Variants in DUSP9 observed in about 807,000 individuals in gnomAD.
The protein encoded by DUSP9 is dual specificity phosphatase 9.
A neutral mutation model predicts 13.2 loss-of-function variants in DUSP9; 4 were observed. The observed-to-expected ratio is 0.30, with a 90% CI of 0.15 to 0.69. DUSP9 has a LOEUF of 0.69. DUSP9 is among the 30% of genes least tolerant of loss of function. The pLI, the probability that DUSP9 is intolerant of heterozygous loss-of-function variation, is 0.73. For synonymous variants in DUSP9, 166 were observed against 172.3 expected, an observed-to-expected ratio of 0.96 and a Z score of 0.29; for missense variants, 263 against 355.0, an observed-to-expected ratio of 0.74 and a Z score of 2.08.
At position 153,648,173 on chromosome X, in the gene DUSP9, C is replaced by T. The variant is rs1291862923; in HGVS notation, c.220C>T (p.Pro74Ser). The T allele has an allele frequency of 2.5e-5, 25 of 1,004,761 alleles. No homozygotes were observed. Among genetic ancestry groups the T allele is most frequent in the African/African-American group, 6.1e-5 (3 of 49,320 alleles). 82.8% of individuals were successfully genotyped at this position (1,004,761 alleles called of 1,213,427 possible). ...GCCTGGGCCGCCGCTGCAGCCGCCCCCGCCTGCCCCCGTGCTCCTGTACGA... is the reference window on the plus strand; with the variant it reads ...GCCTGGGCCGCCGCTGCAGCCGCCCTCGCCTGCCCCCGTGCTCCTGTACGA... The part of the protein sequence containing the change: ...LLPGPPLQPP[P>S]PAPVLLYDQG... The change falls in exon 2 of 4, where the codon CCG (proline) becomes TCG (serine). Residue 74 changes from proline (P) to serine (S), a missense_variant. Pro to Ser is a moderately conservative substitution (Grantham distance 74). Coordinates refer to ENST00000342782, the MANE Select transcript of DUSP9 (RefSeq NM_001318503.2).
At chrX:153,648,353 G>A in intron 2 of DUSP9, 27 bp downstream of exon 2, 1 of 1,090,188 alleles carries the variant, frequency 9.2e-7, no homozygotes, top group African/African-American at 1.9e-5. Context: ...CCTCCTTCCA[G>A]GGGGTTCGGG....
In DUSP9 at chrX:153,649,696, A is replaced by AGGCC; in HGVS notation, c.829+9_829+10insGGCC. 5.2e-6 allele frequency: 6 copies of AGGCC among 1,156,741 alleles called. No homozygotes were observed. Among genetic ancestry groups the AGGCC allele is most frequent in the Non-Finnish European group, 7.0e-6 (6 of 859,023 alleles). On this transcript the variant is annotated intron_variant, in intron 3 of 3. Transcript: ENST00000342782. ...GGCCATTGAGTTCATTGGTGAGTCC[A>AGGCC]CCCCACCCACCCTTCCCTCCTGTCC...
At position 153,649,392 on chromosome X, in the gene DUSP9, T is replaced by C. The variant is rs374710134; in HGVS notation, c.534T>C (p.Ala178=). The C allele has an allele frequency of 9.9e-6, 12 of 1,211,278 alleles. No individual in the cohort carries two copies. Among genetic ancestry groups the C allele is most frequent in the South Asian group, 1.8e-5 (1 of 57,006 alleles). The change falls in exon 3 of 4, where the codon GCT becomes GCC. Residue 178 remains alanine, a synonymous_variant. Transcript: ENST00000342782. ...ACTGCTCTGATGCGGAATCCGAGGC[T>C]GACCGCGACTCCATGAGCTGTGGCC... is the stretch of plus-strand genomic sequence containing the variant. ...GSDCSDAESE[A]DRDSMSCGLD...
chrX:153,642,674 C>G (rs1361850863), upstream of DUSP9: 4 of 105,012 alleles, frequency 3.8e-5, no homozygotes, highest in African/African-American at 1.4e-4. Context: ...TGCCCCCGCC[C>G]CGACGTGCGC....
At chrX:153,647,867 G>A in intron 1 of DUSP9, 52 bp from the exon 2 acceptor site, 1 of 933,540 alleles carries the variant, frequency 1.1e-6, no homozygotes, top group Non-Finnish European at 1.3e-6. Flanking sequence ...CTTCAAGTCT[G>A]AGCCCCCTCG....
Position 153,650,645 on chromosome X carries a change from G to T in DUSP9, c.*340G>T. The T allele has an allele frequency of 7.5e-6, 1 of 132,956 alleles. No individual in the cohort carries two copies. 11.0% of individuals were successfully genotyped at this position (132,956 alleles called of 1,213,427 possible). A position where few individuals can be genotyped will look rare whatever the true frequency, so the allele number is the denominator to read the frequency against. Reference sequence around the variant, plus strand: ...GCTTCCCCCTTCAGGAAGGGTGTGTGCCACCTCGTTGCACTGGATCCCAGT... The same window carrying T: ...GCTTCCCCCTTCAGGAAGGGTGTGTTCCACCTCGTTGCACTGGATCCCAGT... On this transcript the variant is annotated 3_prime_UTR_variant, in exon 4 of 4. Transcript: ENST00000342782.
rs782447329 is a variant in DUSP9 at position 153,648,094 on chromosome X, G to T, written c.141G>T (p.Pro47=). ...GTGGGGCGCTGAGCGTGGCCCTGCC[G>T]GCGCTCCTGCTGCGCCGCCTGCGGA... ...RIGGALSVAL[P]ALLLRRLRRG... The change falls in exon 2 of 4, where the codon CCG becomes CCT. Residue 47 remains proline (P), a synonymous_variant. Coordinates refer to ENST00000342782, the MANE Select transcript of DUSP9 (RefSeq NM_001318503.2). 440 of 1,019,215 alleles carry T rather than the reference G, an allele frequency of 4.3e-4. 1 individual carries two copies. The African/African-American group carries it at 7.9e-3, about 18-fold the overall frequency. 84.0% of individuals were successfully genotyped at this position (1,019,215 alleles called of 1,213,427 possible).
intron 1 of DUSP9, chrX:153,647,690 C>T: frequency 3.9e-6 from 1 of 255,120 alleles, no homozygotes; most frequent in Non-Finnish European, 7.0e-6. Flanking sequence ...CGGCTGCGAC[C>T]TCAGGGTACC....
intron 3 of DUSP9, 41 bp downstream of exon 3, chrX:153,649,728 A>C: frequency 1.0e-6 from 1 of 991,179 alleles, no homozygotes; most frequent in Non-Finnish European, 1.3e-6. Flanking sequence ...GTCCTCCCCA[A>C]GGCCTGCTCT....
chrX:153,646,420 C>A (rs1322325098), upstream of DUSP9, among the ~76,000 whole-genome samples: 2 of 111,842 alleles, frequency 1.8e-5, no homozygotes, highest in African/African-American at 6.5e-5. Context: ...AGTGACCTGG[C>A]CTAAAGCTGA....
At position 153,649,632 on chromosome X, in the gene DUSP9, C is replaced by G. The variant is rs145220210; in HGVS notation, c.774C>G (p.Ser258=). The G allele has an allele frequency of 7.9e-5, 96 of 1,210,519 alleles. No individual in the cohort carries two copies. Among genetic ancestry groups the G allele is most frequent in the Non-Finnish European group, 9.6e-5 (86 of 895,392 alleles). ...GDFHYKQIPI[S]DHWSQNLSRF... ...TTCACTACAAGCAGATCCCCATCTC[C>G]GACCACTGGAGCCAGAACCTGTCGC... Residue 258 remains serine, a synonymous_variant, in exon 3 of 4, where the codon TCC becomes TCG. Transcript: ENST00000342782.
upstream of DUSP9, among the ~76,000 whole-genome samples, chrX:153,646,764 G>A (rs2091189405): frequency 8.9e-6 from 1 of 112,053 alleles, no homozygotes; most frequent in African/African-American, 3.2e-5. Context: ...TTCTGGTCCT[G>A]CCTCCTCCTC....
In DUSP9 at chrX:153,648,112, C is replaced by G; in HGVS notation, c.159C>G (p.Arg53=). ...SVALPALLLR[R]LRRGSLSVRA... ...CCCTGCCGGCGCTCCTGCTGCGCCG[C>G]CTGCGGAGGGGCAGCCTGTCGGTGC... is the stretch of plus-strand genomic sequence containing the variant. The change falls in exon 2 of 4, where the codon CGC becomes CGG. Residue 53 remains arginine, a synonymous_variant. Transcript: ENST00000342782. The G allele has an allele frequency of 2.0e-6, 2 of 998,726 alleles. No individual in the cohort carries two copies. Among genetic ancestry groups the G allele is most frequent in the South Asian group, 7.0e-5 (2 of 28,745 alleles). The allele number at this position is 998,726 out of a possible 1,213,427, so 82.3% of individuals were successfully genotyped here. A position where few individuals can be genotyped will look rare whatever the true frequency, so the allele number is the denominator to read the frequency against.
Position 153,649,590 on chromosome X carries a change from C to T in DUSP9, c.732C>T (p.Phe244=), listed in dbSNP as rs781833478. Reference sequence around the variant, plus strand: ...TCACCCCCAACCTCCCAAACTTCTTCGAGAAGAATGGTGACTTTCACTACA... The same window carrying T: ...TCACCCCCAACCTCCCAAACTTCTTTGAGAAGAATGGTGACTTTCACTACA... ...LNVTPNLPNF[F]EKNGDFHYKQ... Residue 244 remains phenylalanine (F), a synonymous_variant, in exon 3 of 4, where the codon TTC becomes TTT. Transcript: ENST00000342782. 7 of 1,211,995 alleles carry T rather than the reference C, an allele frequency of 5.8e-6. No homozygotes were observed. Among genetic ancestry groups the T allele is most frequent in the East Asian group, 3.0e-5 (1 of 33,872 alleles).
chrX:153,642,795 G>A (rs782293291), upstream of DUSP9, among the ~76,000 whole-genome samples: 6 of 109,010 alleles, frequency 5.5e-5, no homozygotes, highest in Admixed American at 5.7e-4. Context: ...CACGCCGCCC[G>A]TGCACCTCCC....
At chrX:153,642,687 C>T (rs1286680198), upstream of DUSP9, 1 of 100,781 alleles carries the variant, frequency 9.9e-6, no homozygotes, top group Non-Finnish European at 2.0e-5. Context: ...ACGTGCGCTC[C>T]TCCACCCTGC....
At position 153,648,133 on chromosome X, in the gene DUSP9, G is replaced by C. The variant is rs2148321816; in HGVS notation, c.180G>C (p.Ser60=). The C allele has an allele frequency of 2.0e-6, 2 of 992,527 alleles. No individual in the cohort carries two copies. Among genetic ancestry groups the C allele is most frequent in the Non-Finnish European group, 2.5e-6 (2 of 791,998 alleles). The allele number at this position is 992,527 out of a possible 1,213,427, so 81.8% of individuals were successfully genotyped here. A position where few individuals can be genotyped will look rare whatever the true frequency, so the allele number is the denominator to read the frequency against. ...LLRRLRRGSL[S]VRALLPGPPL... is the part of the protein sequence containing the mutation. ...GCCGCCTGCGGAGGGGCAGCCTGTC[G>C]GTGCGCGCGCTCCTGCCTGGGCCGC... is the stretch of plus-strand genomic sequence containing the variant. The change falls in exon 2 of 4, where the codon TCG becomes TCC. Residue 60 remains serine, a synonymous_variant. Coordinates refer to ENST00000342782, the MANE Select transcript of DUSP9 (RefSeq NM_001318503.2).
Position 153,650,400 on chromosome X carries a change from G to A in DUSP9, c.*95G>A, listed in dbSNP as rs975640081. ...AAGGGAGGGGAGGGCAGGAGGGCTC[G>A]GCCTGAGCAGGGTGCTGGGGGGAGA... On this transcript the variant is annotated 3_prime_UTR_variant, in exon 4 of 4. Transcript: ENST00000342782. 18 of 671,060 alleles carry A rather than the reference G, an allele frequency of 2.7e-5. No individual in the cohort carries two copies. Among genetic ancestry groups the A allele is most frequent in the South Asian group, 5.7e-5 (2 of 35,064 alleles). 55.3% of individuals were successfully genotyped at this position (671,060 alleles called of 1,213,427 possible).
Position 153,649,412 on chromosome X carries a change from G to A in DUSP9, c.554G>A (p.Cys185Tyr), listed in dbSNP as rs1557036086. The part of the protein sequence containing the change: ...ESEADRDSMS[C>Y]GLDSEGATPP... Reference sequence around the variant, plus strand: ...GAGGCTGACCGCGACTCCATGAGCTGTGGCCTGGATTCGGAGGGTGCCACA... The same window carrying A: ...GAGGCTGACCGCGACTCCATGAGCTATGGCCTGGATTCGGAGGGTGCCACA... Residue 185 changes from cysteine (C) to tyrosine (Y), a missense_variant, in exon 3 of 4, where the codon TGT becomes TAT. By Grantham distance (194) the Cys-to-Tyr change is radical. Transcript: ENST00000342782. 1.7e-6 allele frequency: 2 copies of A among 1,211,735 alleles called. No homozygotes were observed. Among genetic ancestry groups the A allele is most frequent in the Admixed American group, 4.3e-5 (2 of 46,139 alleles).
Sources: gnomAD v4.1 joint callset for allele counts (sites outside exome capture counted in the v4.1 genomes callset) on GRCh38, gnomAD v4.1.1 for gene constraint, MANE v1.5 for transcripts, NCBI Gene and HGNC (gene_info 2026-07-23, HGNC 2026-07-21) for gene names.